The following TEAD1 variants were observed in gnomAD, a reference collection of about 807,000 sequenced individuals.
TEAD1 encodes the protein transcriptional enhancer factor TEF-1.
A neutral mutation model predicts 54.9 loss-of-function variants in TEAD1; 9 were observed. That is an observed-to-expected ratio of 0.16 (90% CI 0.10 to 0.29). TEAD1 has a LOEUF of 0.29. Among genes scored for constraint, TEAD1 ranks in the 10% least tolerant of loss-of-function variants. The probability of loss-of-function intolerance (pLI) is 1.00; values close to 1 mark genes in which losing one functional copy is unlikely to be tolerated. For synonymous variants in TEAD1, 200 were observed against 187.8 expected (o/e 1.07, Z -0.53); for missense variants, 387 against 535.9 (o/e 0.72, Z 2.74).
chr11:12,901,348 G>T (rs1327242870), intron 9 of TEAD1, among the ~76,000 whole-genome samples: 1 of 152,024 alleles, frequency 6.6e-6, no homozygotes, highest in African/African-American at 2.4e-5. Context: ...TCTGTGATCT[G>T]TACCCCAGTC....
chr11:12,895,550 G>T (rs1320627434), intron 9 of TEAD1, among the ~76,000 whole-genome samples: 1 of 152,196 alleles, frequency 6.6e-6, no homozygotes, highest in Non-Finnish European at 1.5e-5. Flanking sequence ...GGAACTTGTG[G>T]CTAACACAGA....
chr11:12,766,111 A>G (rs1945202628), intron 3 of TEAD1, among the ~76,000 whole-genome samples: 1 of 152,238 alleles, frequency 6.6e-6, no homozygotes, highest in African/African-American at 2.4e-5. Context: ...ACAAAGGCAT[A>G]GTATTAGAAA....
intron 10 of TEAD1, among the ~76,000 whole-genome samples, chr11:12,916,728 T>C (rs1027189038): frequency 6.6e-6 from 1 of 152,222 alleles, no homozygotes; most frequent in Non-Finnish European, 1.5e-5. Context: ...AGAAGCAGCA[T>C]TCACAGACGC....
rs566045039 is a variant in TEAD1, at chr11:12,775,999, C to CA, written c.202+11566dup. Among the ~76,000 whole-genome samples, 997 of 151,870 alleles carry CA rather than the reference C, an allele frequency of 6.6e-3. 4 individuals carry two copies. Among genetic ancestry groups the CA allele is most frequent in the Middle Eastern group, 0.017 (5 of 294 alleles). On this transcript the variant is annotated intron_variant, in intron 3 of 12. Coordinates refer to ENST00000527636, the MANE Select transcript of TEAD1 (RefSeq NM_021961.6). ...GGGGGTTCACCCGGGGAAGTTACGG[C>CA]AGGGTCACAGTGGGCAGGGAGGGGT...
At chr11:12,721,562 T>C (rs1209814450) in intron 2 of TEAD1, among the ~76,000 whole-genome samples, 3 of 152,228 alleles carry the variant, frequency 2.0e-5, no homozygotes, top group African/African-American at 7.2e-5. Flanking sequence ...AGATACTCTC[T>C]GTCAGCTCAC....
At chr11:12,787,054 C>G (rs894731174) in intron 3 of TEAD1, among the ~76,000 whole-genome samples, 1 of 152,122 alleles carries the variant, frequency 6.6e-6, no homozygotes, top group Admixed American at 6.5e-5. Flanking sequence ...GCCTCATAGC[C>G]CTCTGTAAGG....
chr11:12,842,893 C>G (rs72860854), intron 3 of TEAD1, among the ~76,000 whole-genome samples: 1,621 of 152,262 alleles, frequency 0.011, 14 homozygotes, highest in Non-Finnish European at 0.019. Context: ...CTTAAAAAAT[C>G]TAAAATGAAT....
At chr11:12,690,109 C>T (rs1474560254) in intron 2 of TEAD1, among the ~76,000 whole-genome samples, 2 of 151,806 alleles carry the variant, frequency 1.3e-5, no homozygotes, top group South Asian at 2.1e-4. Context: ...GGCGTGGTGG[C>T]GGCCGCCTGT....
At chr11:12,897,799 GT>G (rs1409439259) in intron 9 of TEAD1, among the ~76,000 whole-genome samples, 1 of 152,172 alleles carries the variant, frequency 6.6e-6, no homozygotes, top group Admixed American at 6.5e-5. Flanking sequence ...ACGCTGTTTA[GT>G]TTTTTTGCTG....
chr11:12,753,310 A>G (rs1167510922), intron 2 of TEAD1, among the ~76,000 whole-genome samples: 1 of 152,228 alleles, frequency 6.6e-6, no homozygotes, highest in Non-Finnish European at 1.5e-5. Flanking sequence ...ATCAGGAGGT[A>G]TGCATATAAT....
intron 3 of TEAD1, among the ~76,000 whole-genome samples, chr11:12,770,133 A>G (rs1945286083): frequency 1.3e-5 from 2 of 152,244 alleles, no homozygotes. Context: ...TAATTCTGGA[A>G]TGCTCAGAAC....
intron 2 of TEAD1, among the ~76,000 whole-genome samples, chr11:12,745,282 A>T (rs1383599608): frequency 2.0e-5 from 3 of 152,206 alleles, no homozygotes; most frequent in Admixed American, 6.5e-5. Context: ...CCCTGCATGA[A>T]CTGTGTCAAT....
chr11:12,684,771 G>A (rs994449876), intron 2 of TEAD1, among the ~76,000 whole-genome samples: 2 of 152,238 alleles, frequency 1.3e-5, no homozygotes, highest in African/African-American at 4.8e-5. Context: ...GCAAGCTCCA[G>A]AGATAAATCT....
In TEAD1 at chr11:12,881,068, G is replaced by A. The variant is rs1259788440; in HGVS notation, c.512+17G>A. 3 of 1,614,030 alleles carry A rather than the reference G, an allele frequency of 1.9e-6. No homozygotes were observed. The highest frequency in any genetic ancestry group is 1.7e-6 in the Non-Finnish European group (2 of 1,179,954). On this transcript the variant is annotated intron_variant, in intron 7 of 12. Transcript: ENST00000527636. ...CTCACAAGAGTAAGTCTGAGGAGGG[G>A]TGGGCACTGACAACTACGGGCTGGT... is the stretch of plus-strand genomic sequence containing the variant.
intron 3 of TEAD1, among the ~76,000 whole-genome samples, chr11:12,796,429 G>A (rs1310438702): frequency 6.6e-6 from 1 of 152,176 alleles, no homozygotes; most frequent in East Asian, 1.9e-4. Context: ...TGCTTACGAT[G>A]TTTAGCAATT....
intron 3 of TEAD1, among the ~76,000 whole-genome samples, chr11:12,798,430 A>T (rs1357505065): frequency 6.6e-6 from 1 of 152,148 alleles, no homozygotes; most frequent in Non-Finnish European, 1.5e-5. Flanking sequence ...CCTCAGTTAG[A>T]TCAGAAGGCC....
chr11:12,810,782 C>T (rs988067077), intron 3 of TEAD1, among the ~76,000 whole-genome samples: 3 of 152,160 alleles, frequency 2.0e-5, no homozygotes, highest in African/African-American at 7.2e-5. Context: ...AACGCTATAT[C>T]TCCTCCTCCC....
chr11:12,837,709 C>CTTCTCCTTTCTCCTTCTCCCTTCTCCT (rs60351293), intron 3 of TEAD1, among the ~76,000 whole-genome samples: 2 of 146,482 alleles, frequency 1.4e-5, no homozygotes, highest in African/African-American at 5.2e-5. Context: ...TCCCTTCTCC[C>CTTCTCCTTTCTCCTTCTCCCTTCTCCT]TTCTCCTTCT....
intron 2 of TEAD1, among the ~76,000 whole-genome samples, chr11:12,729,208 G>A (rs1380613431): frequency 2.0e-5 from 3 of 152,212 alleles, no homozygotes; most frequent in Non-Finnish European, 2.9e-5. Context: ...AATGACTAGG[G>A]CCCTTTTCTG....
Sources: allele counts gnomAD v4.1 joint callset (sites outside exome capture counted in the v4.1 genomes callset), GRCh38; gene constraint gnomAD v4.1.1; transcripts MANE v1.5; gene names NCBI Gene and HGNC (gene_info 2026-07-23, HGNC 2026-07-21).